The following EYS variants were observed in gnomAD, a reference collection of about 807,000 sequenced individuals.
The protein encoded by EYS is protein eyes shut homolog.
In EYS, 250 loss-of-function variants were observed where a neutral mutation model predicts 282.1. The observed-to-expected ratio is 0.89, with a 90% CI of 0.80 to 0.98. EYS has a LOEUF of 0.98. Ranked by LOEUF, EYS falls within the 50% of genes least tolerant of loss-of-function variation. The probability of loss-of-function intolerance (pLI) is 0.00; values close to 1 mark genes in which losing one functional copy is unlikely to be tolerated. For synonymous variants in EYS, 1,355 were observed against 1,282.9 expected (o/e 1.06, Z -1.20); for missense variants, 4,016 against 3,709.0 (o/e 1.08, Z -2.15).
chr6:65,357,973 TC>T (rs1764558788), intron 8 of EYS, among the ~76,000 whole-genome samples: 1 of 151,954 alleles, frequency 6.6e-6, no homozygotes, highest in Non-Finnish European at 1.5e-5. Flanking sequence ...ATGTGACCTC[TC>T]TTTTAAAATG....
intron 5 of EYS, among the ~76,000 whole-genome samples, chr6:65,441,766 C>T (rs1389897890): frequency 6.6e-6 from 1 of 152,056 alleles, no homozygotes; most frequent in African/African-American, 2.4e-5. Context: ...TATATATCTA[C>T]TTCAAATTCT....
intron 37 of EYS, among the ~76,000 whole-genome samples, chr6:63,789,724 C>T (rs1262338476): frequency 1.3e-5 from 2 of 152,140 alleles, no homozygotes; most frequent in Non-Finnish European, 2.9e-5. Flanking sequence ...TAACCATGCC[C>T]CATGACCATT....
intron 11 of EYS, among the ~76,000 whole-genome samples, chr6:65,305,276 G>A (rs1475907927): frequency 6.6e-6 from 1 of 152,112 alleles, no homozygotes; most frequent in Middle Eastern, 3.2e-3. Flanking sequence ...GACTCCTTGA[G>A]GTGTTTGTCA....
At chr6:64,487,854 T>C (rs1776624639) in intron 26 of EYS, among the ~76,000 whole-genome samples, 1 of 151,100 alleles carries the variant, frequency 6.6e-6, no homozygotes. Flanking sequence ...CCAATAGAAA[T>C]ATAAAAGTAG....
chr6:65,488,539 T>C (rs920831871), intron 5 of EYS, among the ~76,000 whole-genome samples: 4 of 152,092 alleles, frequency 2.6e-5, no homozygotes, highest in African/African-American at 9.7e-5. Context: ...ATCTTGAAAA[T>C]GGCCTTACTG....
chr6:64,556,389 G>T (rs1765233439), intron 26 of EYS, among the ~76,000 whole-genome samples: 1 of 151,892 alleles, frequency 6.6e-6, no homozygotes, highest in African/African-American at 2.4e-5. Flanking sequence ...GAGGGTCTGT[G>T]GTGTATCGTC....
Position 65,442,951 on chromosome 6 carries a change from C to T in EYS, c.863-37584G>A, listed in dbSNP as rs902370206. Among the ~76,000 whole-genome samples, 9 of 140,902 alleles carry T rather than the reference C, an allele frequency of 6.4e-5. 2 individuals are homozygous for T. Among genetic ancestry groups the T allele is most frequent in the East Asian group, 6.0e-4 (3 of 5,016 alleles). 92.4% of individuals were successfully genotyped at this position (140,902 alleles called of 152,430 possible). Reference sequence around the variant, plus strand: ...ATATATGTATATACGTATATACATGCACATACATATGTACATATATGTATA... The same window carrying T: ...ATATATGTATATACGTATATACATGTACATACATATGTACATATATGTATA... On this transcript the variant is annotated intron_variant, in intron 5 of 42. Coordinates refer to ENST00000503581, the MANE Select transcript of EYS (RefSeq NM_001142800.2).
intron 12 of EYS, among the ~76,000 whole-genome samples, chr6:65,065,108 C>T (rs1773706229): frequency 6.6e-6 from 1 of 152,076 alleles, no homozygotes; most frequent in African/African-American, 2.4e-5. Context: ...CGTGCTGAGC[C>T]TTCAGGTGTC....
At chr6:64,216,148 A>C (rs1266744498) in intron 31 of EYS, among the ~76,000 whole-genome samples, 2 of 152,356 alleles carry the variant, frequency 1.3e-5, no homozygotes, top group East Asian at 3.9e-4. Context: ...TTGAAAAAGA[A>C]TTAAGCACAG....
chr6:65,591,769 C>T (rs1765243129), intron 2 of EYS, among the ~76,000 whole-genome samples: 1 of 152,128 alleles, frequency 6.6e-6, no homozygotes, highest in African/African-American at 2.4e-5. Flanking sequence ...TGGAAAACCT[C>T]TGGGTCCTGG....
intron 19 of EYS, among the ~76,000 whole-genome samples, chr6:64,854,543 G>A (rs921294317): frequency 4.4e-5 from 6 of 137,730 alleles, no homozygotes; most frequent in Non-Finnish European, 7.6e-5. Flanking sequence ...ATTGAACAAT[G>A]AGAACACATG....
chr6:64,896,103 A>G (rs1767453971), intron 18 of EYS, among the ~76,000 whole-genome samples: 2 of 152,230 alleles, frequency 1.3e-5, no homozygotes, highest in South Asian at 4.1e-4. Context: ...TTACAAAGCC[A>G]TAAGAAGAAA....
chr6:63,780,329 T>C (rs1345053940), intron 39 of EYS, among the ~76,000 whole-genome samples: 1 of 152,234 alleles, frequency 6.6e-6, no homozygotes, highest in East Asian at 1.9e-4. Context: ...ACTCACTGTC[T>C]TCCACAATGG....
intron 15 of EYS, among the ~76,000 whole-genome samples, chr6:64,923,098 G>T (rs747822934): frequency 1.3e-5 from 2 of 151,936 alleles, no homozygotes; most frequent in Admixed American, 6.6e-5. Flanking sequence ...GGTATGTTTA[G>T]TGGCTGTATT....
At chr6:63,877,851 A>G (rs1048671429) in intron 35 of EYS, among the ~76,000 whole-genome samples, 8 of 152,108 alleles carry the variant, frequency 5.3e-5, no homozygotes, top group Non-Finnish European at 8.8e-5. Context: ...TACACTGTTT[A>G]TTCTAGTTAG....
intron 26 of EYS, among the ~76,000 whole-genome samples, chr6:64,462,719 C>T (rs1171313856): frequency 6.6e-6 from 1 of 151,800 alleles, no homozygotes; most frequent in Non-Finnish European, 1.5e-5. Flanking sequence ...TGTCTTTTTT[C>T]TCCTCCTGTC....
At chr6:64,178,094 T>A (rs1393656245) in intron 31 of EYS, among the ~76,000 whole-genome samples, 1 of 152,120 alleles carries the variant, frequency 6.6e-6, no homozygotes, top group Non-Finnish European at 1.5e-5. Flanking sequence ...ACCAGTGCTA[T>A]GAAAGAAGCG....
chr6:63,835,882 G>T (rs1272517420), intron 36 of EYS, among the ~76,000 whole-genome samples: 2 of 151,954 alleles, frequency 1.3e-5, no homozygotes, highest in Non-Finnish European at 2.9e-5. Flanking sequence ...TAAAACTACT[G>T]AAAGCCAAAA....
rs538068582 is a variant in EYS, at chr6:64,873,843, T to C, written c.2992+12854A>G. On this transcript the variant is annotated intron_variant, in intron 19 of 42. Transcript: ENST00000503581. ...TATGTGTCAATTAAAAATAAATAAA[T>C]ACATAAATTTTACAAATGAAAAAAT... Among the ~76,000 whole-genome samples, 17 of 152,074 alleles carry C rather than the reference T, an allele frequency of 1.1e-4. No individual in the cohort carries two copies. In the East Asian group the frequency reaches 2.3e-3, roughly 21 times the overall value.
Sources: gnomAD v4.1 joint callset for allele counts (sites outside exome capture counted in the v4.1 genomes callset) on GRCh38, gnomAD v4.1.1 for gene constraint, MANE v1.5 for transcripts, NCBI Gene and HGNC (gene_info 2026-07-23, HGNC 2026-07-21) for gene names.